Variants in ZNF529 observed in about 807,000 individuals in gnomAD.
The protein encoded by ZNF529 is zinc finger protein 529.
Under a neutral mutation model 10.1 loss-of-function variants are expected in ZNF529, and 11 were observed. The observed-to-expected ratio is 1.09, with a 90% CI of 0.69 to 1.81. The LOEUF is 1.81. Among genes scored for constraint, ZNF529 ranks in the 40% most tolerant of loss-of-function variants. The pLI is 0.00. For synonymous variants in ZNF529, 204 were observed against 215.7 expected (o/e 0.95, Z 0.47); for missense variants, 624 against 666.8 (o/e 0.94, Z 0.71).
intron 4 of ZNF529, among the ~76,000 whole-genome samples, chr19:36,551,558 T>TA (rs1343226813): frequency 7.2e-5 from 11 of 152,236 alleles, no homozygotes; most frequent in African/African-American, 2.4e-4. Flanking sequence ...GCTACTTACT[T>TA]ACAGTAATAT....
At chr19:36,597,421 A>T (rs1281012376) in intron 1 of ZNF529, among the ~76,000 whole-genome samples, 1 of 152,158 alleles carries the variant, frequency 6.6e-6, no homozygotes, top group East Asian at 1.9e-4. Context: ...TAAAGATTAT[A>T]ATACTGTGCT....
chr19:36,546,745 A>G lies in ZNF529; in HGVS notation c.*121T>C. ...TTCTACGTCTACATACAGAATGACCATGAAGTCTAAAAACAGACTTTAAGA... is the reference window on the plus strand; with the variant it reads ...TTCTACGTCTACATACAGAATGACCGTGAAGTCTAAAAACAGACTTTAAGA... On this transcript the variant is annotated 3_prime_UTR_variant, in exon 5 of 5. Transcript: ENST00000591340. 9.6e-7 allele frequency: 1 copy of G among 1,044,018 alleles called. No individual in the cohort carries two copies. The highest frequency in any genetic ancestry group is 1.4e-6 in the Non-Finnish European group (1 of 727,018). 64.7% of individuals were successfully genotyped at this position (1,044,018 alleles called of 1,614,324 possible). A position where few individuals can be genotyped will look rare whatever the true frequency, so the allele number is the denominator to read the frequency against.
intron 2 of ZNF529, among the ~76,000 whole-genome samples, chr19:36,557,275 C>T (rs1255178595): frequency 6.6e-6 from 1 of 152,146 alleles, no homozygotes; most frequent in African/African-American, 2.4e-5. Flanking sequence ...GATTTTACAA[C>T]ATGGTGGGAA....
Position 36,548,215 on chromosome 19 carries a change from C to A in ZNF529, c.343G>T (p.Glu115Ter). Residue 115 changes from glutamate (E) to a stop codon, truncating the protein, a stop_gained, in exon 5 of 5, where the codon GAA (glutamate) becomes TAA (stop). Coordinates refer to ENST00000591340, the MANE Select transcript of ZNF529 (RefSeq NM_020951.5). LOFTEE classifies it low-confidence loss of function (END_TRUNC). Reference sequence around the variant, plus strand: ...CAGTCATTTCTGAAAATGGAACCTTCAAGGCCACATAACTTGCTACTTTCC... The same window carrying A: ...CAGTCATTTCTGAAAATGGAACCTTAAAGGCCACATAACTTGCTACTTTCC... The part of the protein sequence containing the change: ...VMESSKLCGL[E>*]GSIFRNDWQS... 1.2e-6 allele frequency: 2 copies of A among 1,613,878 alleles called. No homozygotes were observed. Among genetic ancestry groups the A allele is most frequent in the Non-Finnish European group, 1.7e-6 (2 of 1,179,860 alleles).
chr19:36,592,284 CAA>C (rs35717465), intron 1 of ZNF529, among the ~76,000 whole-genome samples: 6 of 49,856 alleles, frequency 1.2e-4, no homozygotes, highest in Non-Finnish European at 1.8e-4. Context: ...GACTTTGTCT[CAA>C]AAAAAAAAAA....
At chr19:36,556,624 G>T (rs2035486140) in intron 2 of ZNF529, among the ~76,000 whole-genome samples, 1 of 152,196 alleles carries the variant, frequency 6.6e-6, no homozygotes, top group Non-Finnish European at 1.5e-5. Flanking sequence ...TCCAACTGTT[G>T]TGTCCTGGCT....
At chr19:36,558,747 C>A (rs1442359920) in intron 2 of ZNF529, among the ~76,000 whole-genome samples, 1 of 151,726 alleles carries the variant, frequency 6.6e-6, no homozygotes, top group African/African-American at 2.4e-5. Flanking sequence ...AATATAACAC[C>A]AAAAGCACCG....
chr19:36,580,604 A>G (rs1414912383), intron 2 of ZNF529: 4 of 152,212 alleles, frequency 2.6e-5, no homozygotes, highest in African/African-American at 4.8e-5. Flanking sequence ...TATGTATGCT[A>G]GTATGAACCT....
chr19:36,594,589 A>G (rs1203347928), intron 1 of ZNF529: 1 of 152,530 alleles, frequency 6.6e-6, no homozygotes, highest in East Asian at 1.9e-4. Context: ...GCAAGCCTTC[A>G]GATGATTCCG....
chr19:36,592,399 C>A (rs572609865), intron 1 of ZNF529, among the ~76,000 whole-genome samples: 16 of 150,942 alleles, frequency 1.1e-4, no homozygotes, highest in Middle Eastern at 3.5e-3. Flanking sequence ...TTCAAGACCA[C>A]CCTGGGCAAC....
Position 36,547,467 on chromosome 19 carries a change from T to G in ZNF529, c.1091A>C (p.Lys364Thr). 6.2e-7 allele frequency: 1 copy of G among 1,614,100 alleles called. No homozygotes were observed. The change falls in exon 5 of 5, where the codon AAA becomes ACA. Residue 364 changes from lysine to threonine, a missense_variant. Physicochemically the swap from Lys to Thr is moderately conservative, Grantham distance 78. Transcript: ENST00000591340. ...IEHQRIHTGE[K>T]PYACKECGKA... is the part of the protein sequence containing the mutation. ...CCCACATTCCTTACATGCATAAGGT[T>G]TCTCACCAGTGTGAATTCTCTGATG...
intron 3 of ZNF529, 45 bp from the exon 4 acceptor site, chr19:36,554,841 ATTTTTG>A: frequency 2.0e-6 from 3 of 1,468,814 alleles, no homozygotes; most frequent in Admixed American, 4.6e-5. Context: ...TTAAGGAAAT[ATTTTTG>A]AGAAAAAGAC....
At chr19:36,604,390 A>T (rs1377710639) in intron 1 of ZNF529, among the ~76,000 whole-genome samples, 1 of 152,160 alleles carries the variant, frequency 6.6e-6, no homozygotes, top group African/African-American at 2.4e-5. Flanking sequence ...TCAAATATCC[A>T]ACTTTCTTTT....
chr19:36,554,699 A>C lies in ZNF529; in HGVS notation c.206T>G (p.Met69Arg), dbSNP rs1249502656. 6.4e-7 allele frequency: 1 copy of C among 1,570,936 alleles called. No individual in the cohort carries two copies. The highest frequency in any genetic ancestry group is 8.6e-7 in the Non-Finnish European group (1 of 1,156,772). ...AQRNLYWDVM[M>R]ENYSNLLSLD... Reference sequence around the variant, plus strand: ...TGAGAGTAAGTTGCTGTAGTTCTCCATCATCACATCCCAGTACAAGTTCCT... The same window carrying C: ...TGAGAGTAAGTTGCTGTAGTTCTCCCTCATCACATCCCAGTACAAGTTCCT... Residue 69 changes from methionine to arginine, a missense_variant, in exon 4 of 5, where the codon ATG becomes AGG. By Grantham distance (91) the Met-to-Arg change is moderately conservative. Coordinates refer to ENST00000591340, the MANE Select transcript of ZNF529 (RefSeq NM_020951.5).
chr19:36,593,866 C>G (rs1385795154), intron 1 of ZNF529: 1 of 152,142 alleles, frequency 6.6e-6, no homozygotes, highest in Non-Finnish European at 1.5e-5. Flanking sequence ...ACCACAGAGG[C>G]AAGAGCTGGG....
rs1461590867 is a variant in ZNF529 at position 36,546,398 on chromosome 19, A to G, written c.*468T>C. The G allele has an allele frequency of 2.9e-5, 1 of 34,262 alleles. No individual in the cohort carries two copies. Among genetic ancestry groups the G allele is most frequent in the Non-Finnish European group, 7.9e-5 (1 of 12,648 alleles). The allele number at this position is 34,262 out of a possible 1,614,324, so 2.1% of individuals were successfully genotyped here. On this transcript the variant is annotated 3_prime_UTR_variant, in exon 5 of 5. Coordinates refer to ENST00000591340, the MANE Select transcript of ZNF529 (RefSeq NM_020951.5). ...GATCACACTTCTATCATTTAAAACA[A>G]AACAAAACAACATTACACAAAATGA... is the stretch of plus-strand genomic sequence containing the variant.
intron 4 of ZNF529, chr19:36,552,123 AAAAC>A (rs1260812983): frequency 2.0e-5 from 3 of 152,064 alleles, no homozygotes; most frequent in Non-Finnish European, 2.9e-5. Context: ...TTCTTTTTTT[AAAAC>A]AAACAAACAA....
chr19:36,587,786 T>C (rs934454716), intron 2 of ZNF529, among the ~76,000 whole-genome samples: 1 of 152,178 alleles, frequency 6.6e-6, no homozygotes, highest in East Asian at 1.9e-4. Flanking sequence ...TCCATTTATA[T>C]GAAATGTCCA....
chr19:36,546,090 T>C lies in ZNF529; in HGVS notation c.*776A>G, dbSNP rs1020665505. The C allele has an allele frequency of 6.7e-6, 1 of 149,260 alleles. No individual in the cohort carries two copies. Among genetic ancestry groups the C allele is most frequent in the African/African-American group, 2.5e-5 (1 of 40,082 alleles). The allele number at this position is 149,260 out of a possible 1,614,324, so 9.2% of individuals were successfully genotyped here. On this transcript the variant is annotated 3_prime_UTR_variant, in exon 5 of 5. Transcript: ENST00000591340. ...ATATATATATATATATAGTGTGTTA[T>C]GTAGTGCATGTGTGGGCATATATAG... is the stretch of plus-strand genomic sequence containing the variant.
Sources: gnomAD v4.1 joint callset for allele counts (sites outside exome capture counted in the v4.1 genomes callset) on GRCh38, gnomAD v4.1.1 for gene constraint, MANE v1.5 for transcripts, NCBI Gene and HGNC (gene_info 2026-07-23, HGNC 2026-07-21) for gene names.